Variants in ALPK2 observed in about 807,000 individuals in gnomAD.
The protein encoded by ALPK2 is alpha-protein kinase 2.
In ALPK2, 127 loss-of-function variants were observed where a neutral mutation model predicts 163.1. The observed-to-expected ratio is 0.78, with a 90% CI of 0.67 to 0.90. ALPK2 has a LOEUF of 0.90. Ranked by LOEUF, ALPK2 falls within the 40% of genes least tolerant of loss-of-function variation. The pLI is 0.00. For missense variants in ALPK2, 2,360 were observed against 2,589.6 expected (o/e 0.91, Z 1.92); for synonymous variants, 953 against 959.1 (o/e 0.99, Z 0.12).
rs1825625223 is a variant in ALPK2 at position 58,481,736 on chromosome 18, G to A, written c.*87C>T. 9.2e-7 allele frequency: 1 copy of A among 1,089,336 alleles called. No homozygotes were observed. The highest frequency in any genetic ancestry group is 2.7e-4 in the Middle Eastern group (1 of 3,750). 67.5% of individuals were successfully genotyped at this position (1,089,336 alleles called of 1,614,324 possible). A position where few individuals can be genotyped will look rare whatever the true frequency, so the allele number is the denominator to read the frequency against. The stretch of plus-strand genomic sequence containing the variant: ...AAGGATTGCCACGCACTCTCTGCAG[G>A]CTGTATATTCTCTCCTGTGTGGCCT... On this transcript the variant is annotated 3_prime_UTR_variant, in exon 13 of 13. Coordinates refer to ENST00000361673, the MANE Select transcript of ALPK2 (RefSeq NM_052947.4).
chr18:58,560,522 C>T (rs1008467558), intron 4 of ALPK2, among the ~76,000 whole-genome samples: 4 of 152,202 alleles, frequency 2.6e-5, no homozygotes, highest in South Asian at 2.1e-4. Context: ...GACCGATGCT[C>T]CTGTCTCCCT....
chr18:58,537,491 G>A lies in ALPK2; in HGVS notation c.2696C>T (p.Ser899Leu), dbSNP rs1343132509. Reference sequence around the variant, plus strand: ...TGTGGCACCTTCACTAGCTGTGTGTGAAATGTTCAAGGTGAAAGTACTGGT... The same window carrying A: ...TGTGGCACCTTCACTAGCTGTGTGTAAAATGTTCAAGGTGAAAGTACTGGT... ...LFTSTFTLNI[S>L]HTASEGATGE... is the part of the protein sequence containing the mutation. Residue 899 changes from serine to leucine, a missense_variant, in exon 5 of 13, where the codon TCA becomes TTA. Coordinates refer to ENST00000361673, the MANE Select transcript of ALPK2 (RefSeq NM_052947.4). 6.2e-7 allele frequency: 1 copy of A among 1,612,076 alleles called. No homozygotes were observed. Among genetic ancestry groups the A allele is most frequent in the South Asian group, 1.1e-5 (1 of 90,850 alleles).
intron 12 of ALPK2, among the ~76,000 whole-genome samples, chr18:58,492,146 G>GACACACAC (rs60280063): frequency 0.083 from 12,582 of 151,380 alleles, 838 homozygotes; most frequent in East Asian, 0.37. Flanking sequence ...GGTCTCTTTA[G>GACACACAC]ACACACACAC....
At chr18:58,565,170 CATTTCCTTA>C (rs1452532618) in intron 4 of ALPK2, among the ~76,000 whole-genome samples, 1 of 145,726 alleles carries the variant, frequency 6.9e-6, no homozygotes, top group East Asian at 2.3e-4. Context: ...TACCCATGAA[CATTTCCTTA>C]GAAACGTTTC....
chr18:58,518,343 GC>G (rs1203617812), intron 8 of ALPK2, among the ~76,000 whole-genome samples: 1 of 152,130 alleles, frequency 6.6e-6, no homozygotes, highest in Non-Finnish European at 1.5e-5. Context: ...CCTAATTACT[GC>G]CAGAAAGAAA....
rs375466111 is a variant in ALPK2, at chr18:58,503,904, G to C, written c.6247+27C>G. The C allele has an allele frequency of 2.5e-6, 4 of 1,594,472 alleles. No homozygotes were observed. The African/African-American group carries it at 5.4e-5, about 21-fold the overall frequency. ...ACATCTCTGGCCCACAGCATCCCTG[G>C]AGCCTGGGCTAAGCTGCTTTCCTCA... On this transcript the variant is annotated intron_variant, in intron 11 of 12. Coordinates refer to ENST00000361673, the MANE Select transcript of ALPK2 (RefSeq NM_052947.4).
chr18:58,623,160 C>T (rs889627704), intron 1 of ALPK2, among the ~76,000 whole-genome samples: 1 of 152,158 alleles, frequency 6.6e-6, no homozygotes, highest in African/African-American at 2.4e-5. Flanking sequence ...CACCTTCTAC[C>T]CTCATCCTTC....
chr18:58,510,613 T>C (rs1443986216), intron 10 of ALPK2, among the ~76,000 whole-genome samples: 1 of 152,220 alleles, frequency 6.6e-6, no homozygotes. Context: ...CCCTTGTAAG[T>C]TGGATTCCTA....
rs779696708 is a variant in ALPK2, at chr18:58,481,849, C to G, written c.6487G>C (p.Glu2163Gln). The G allele has an allele frequency of 2.8e-5, 45 of 1,614,192 alleles. No individual in the cohort carries two copies. In the South Asian group the frequency reaches 4.1e-4, roughly 15 times the overall value. Residue 2163 changes from glutamate to glutamine, a missense_variant, in exon 13 of 13, where the codon GAG (glutamate) becomes CAG (glutamine). Coordinates refer to ENST00000361673, the MANE Select transcript of ALPK2 (RefSeq NM_052947.4). ...NSMTIKKAGP[E>Q]TPGEKKT is the part of the protein sequence containing the mutation. Reference sequence around the variant, plus strand: ...TAGGTTTTCTTTTCGCCTGGGGTCTCAGGCCCTGCCTTCTTTATTGTCATA... The same window carrying G: ...TAGGTTTTCTTTTCGCCTGGGGTCTGAGGCCCTGCCTTCTTTATTGTCATA...
At chr18:58,511,096 G>A (rs1358582476) in intron 10 of ALPK2, among the ~76,000 whole-genome samples, 1 of 152,152 alleles carries the variant, frequency 6.6e-6, no homozygotes, top group African/African-American at 2.4e-5. Flanking sequence ...TTAGCATGAA[G>A]TGTTGTTGAA....
chr18:58,588,805 T>C (rs1568094601), intron 3 of ALPK2, among the ~76,000 whole-genome samples: 1 of 152,236 alleles, frequency 6.6e-6, no homozygotes, highest in Non-Finnish European at 1.5e-5. Context: ...GTGGTGTATA[T>C]GTACCACATT....
chr18:58,545,160 T>A (rs2051710882), intron 4 of ALPK2: 1 of 151,384 alleles, frequency 6.6e-6, no homozygotes, highest in Admixed American at 6.6e-5. Flanking sequence ...AGATTTGCAG[T>A]CATCGTCGAG....
At position 58,485,061 on chromosome 18, in the gene ALPK2, A is replaced by G. The variant is rs74688252; in HGVS notation, c.6297-3022T>C. ...CAGGCTCTTTGTTCAAAAAGTAGTA[A>G]GAATTTCAAGACAACAAGCACAGAG... On this transcript the variant is annotated intron_variant, in intron 12 of 12. Coordinates refer to ENST00000361673, the MANE Select transcript of ALPK2 (RefSeq NM_052947.4). Among the ~76,000 whole-genome samples the G allele has an allele frequency of 4.4e-3, 672 of 152,334 alleles. 3 individuals carry two copies. The highest frequency in any genetic ancestry group is 0.015 in the African/African-American group (640 of 41,574).
intron 10 of ALPK2, among the ~76,000 whole-genome samples, chr18:58,505,684 C>T (rs1296685313): frequency 6.6e-6 from 1 of 152,142 alleles, no homozygotes; most frequent in Admixed American, 6.5e-5. Context: ...GACATCGAAA[C>T]GCAAATCCGC....
intron 12 of ALPK2, among the ~76,000 whole-genome samples, chr18:58,493,670 T>C (rs1007612698): frequency 6.6e-6 from 1 of 152,140 alleles, no homozygotes; most frequent in African/African-American, 2.4e-5. Context: ...TCCTGCTACA[T>C]GAATGAATCA....
At chr18:58,612,965 A>G (rs2052141130) in intron 1 of ALPK2, among the ~76,000 whole-genome samples, 1 of 152,204 alleles carries the variant, frequency 6.6e-6, no homozygotes, top group Admixed American at 6.5e-5. Flanking sequence ...GCAAATCCTG[A>G]ATCCAGGGAT....
intron 4 of ALPK2, among the ~76,000 whole-genome samples, chr18:58,571,696 A>G (rs989242859): frequency 1.9e-4 from 29 of 152,188 alleles, no homozygotes; most frequent in African/African-American, 6.3e-4. Context: ...GAAGATAAAA[A>G]GACAAATTAC....
intron 4 of ALPK2, among the ~76,000 whole-genome samples, chr18:58,539,142 G>C (rs1251164003): frequency 2.6e-5 from 4 of 152,162 alleles, no homozygotes; most frequent in African/African-American, 4.8e-5. Context: ...CAGAGAGAAG[G>C]CTGCCTTTGA....
intron 4 of ALPK2, among the ~76,000 whole-genome samples, chr18:58,547,073 G>A (rs966177064): frequency 7.1e-6 from 1 of 141,372 alleles, no homozygotes; most frequent in African/African-American, 2.6e-5. Context: ...TATACAGGAA[G>A]TGGCTGTAGA....
Sources: gnomAD v4.1 joint callset for allele counts (sites outside exome capture counted in the v4.1 genomes callset) on GRCh38, gnomAD v4.1.1 for gene constraint, MANE v1.5 for transcripts, NCBI Gene and HGNC (gene_info 2026-07-23, HGNC 2026-07-21) for gene names.